Variants in KRT8 observed in about 807,000 individuals in gnomAD.
KRT8 encodes keratin 8.
KRT8 carries 24 observed loss-of-function variants against 43.0 expected under a neutral mutation model. The ratio of observed to expected loss-of-function variants is 0.56; its 90% CI spans 0.40 to 0.78. The LOEUF is 0.78. Ranked by LOEUF, KRT8 falls within the 30% of genes least tolerant of loss-of-function variation. The pLI is 0.00. For synonymous variants in KRT8, 214 were observed against 261.2 expected, an observed-to-expected ratio of 0.82 and a Z score of 1.74; for missense variants, 492 against 638.4, an observed-to-expected ratio of 0.77 and a Z score of 2.47.
At chr12:52,937,236 C>G (rs1425655668) in intron 2 of KRT8, among the ~76,000 whole-genome samples, 1 of 151,058 alleles carries the variant, frequency 6.6e-6, no homozygotes, top group African/African-American at 2.4e-5. Context: ...CCTGGTGTGG[C>G]AGCATGCACC....
rs565768371 is a variant in KRT8, at chr12:52,939,601, G to A, written c.-47+9855C>T. Among the ~76,000 whole-genome samples the A allele has an allele frequency of 7.9e-5, 12 of 151,834 alleles. No individual in the cohort carries two copies. In the South Asian group the frequency reaches 1.0e-3, roughly 13 times the overall value. ...GCCAGGCATGGTGGCGTATACCCGC[G>A]ATTCCAGCTACTTAGGAGGCTGAAG... On this transcript the variant is annotated intron_variant, in intron 2 of 6. Transcript: ENST00000546826.
upstream of KRT8, chr12:52,906,879 A>T (rs1458881364): frequency 2.6e-5 from 11 of 423,912 alleles, no homozygotes; most frequent in Non-Finnish European, 5.2e-5. Flanking sequence ...AGACAGGCAC[A>T]TAGGACCCCT....
intron 2 of KRT8, among the ~76,000 whole-genome samples, chr12:52,924,814 T>C (rs188291112): frequency 6.6e-6 from 1 of 152,302 alleles, no homozygotes; most frequent in Non-Finnish European, 1.5e-5. Flanking sequence ...TGGAGTGAAG[T>C]GGACCCTCAG....
At chr12:52,924,683 T>C (rs1183609196) in intron 2 of KRT8, among the ~76,000 whole-genome samples, 1 of 152,170 alleles carries the variant, frequency 6.6e-6, no homozygotes, top group Admixed American at 6.6e-5. Context: ...GTAAAGATAA[T>C]TGCTTGTATA....
At chr12:52,922,873 G>A (rs1201173510) in intron 2 of KRT8, among the ~76,000 whole-genome samples, 2 of 152,172 alleles carry the variant, frequency 1.3e-5, no homozygotes, top group Non-Finnish European at 2.9e-5. Flanking sequence ...CAGACAGTCT[G>A]GGAGATGCAG....
At position 52,935,400 on chromosome 12, in the gene KRT8, A is replaced by AGAAAAAG. The variant is rs1555189718; in HGVS notation, c.-47+14055_-47+14056insCTTTTTC. Among the ~76,000 whole-genome samples the AGAAAAAG allele has an allele frequency of 5.1e-4, 69 of 134,642 alleles. 2 individuals carry two copies. Among genetic ancestry groups the AGAAAAAG allele is most frequent in the East Asian group, 7.5e-4 (3 of 4,018 alleles). 88.3% of individuals were successfully genotyped at this position (134,642 alleles called of 152,430 possible). ...TCTCAAAAAAAAAAAAAAAAAAAAA[A>AGAAAAAG]AAAAAAAAAAGGCCGGGCACAGTGG... On this transcript the variant is annotated intron_variant, in intron 2 of 6. Coordinates refer to the KRT8 transcript ENST00000546826.
At chr12:52,901,986 G>A (rs1175560236) in exon 2 of KRT8, 3 of 1,604,078 alleles carry the variant, frequency 1.9e-6, no homozygotes, top group Admixed American at 1.7e-5. Flanking sequence ...CGAACATGTT[G>A]TCCATGTTGC....
upstream of KRT8, chr12:52,906,926 T>A (rs1352777549): frequency 2.7e-6 from 1 of 363,952 alleles, no homozygotes. Context: ...GCCCCCTCCT[T>A]GGAGGACAGA....
Position 52,923,556 on chromosome 12 carries a change from A to T in KRT8, c.-46-18529T>A, listed in dbSNP as rs555367028. Reference sequence around the variant, plus strand: ...TGCCTCAGCCTCCCGAGTAGCTGGGACTACAGGCGCCAGCCACCACGCCTG... The same window carrying T: ...TGCCTCAGCCTCCCGAGTAGCTGGGTCTACAGGCGCCAGCCACCACGCCTG... On this transcript the variant is annotated intron_variant, in intron 2 of 6. Transcript: ENST00000546826. Among the ~76,000 whole-genome samples the T allele has an allele frequency of 2.6e-5, 4 of 152,100 alleles. No individual in the cohort carries two copies. The East Asian group carries it at 7.8e-4, about 30-fold the overall frequency.
chr12:52,915,535 C>G (rs567703637), intron 2 of KRT8, among the ~76,000 whole-genome samples: 1 of 151,886 alleles, frequency 6.6e-6, no homozygotes, highest in South Asian at 2.1e-4. Context: ...TGGTGAAACC[C>G]CATCTGTACT....
intron 2 of KRT8, chr12:52,948,934 G>C (rs79477652): frequency 0.029 from 12,747 of 435,282 alleles, 244 homozygotes; most frequent in East Asian, 0.049. Context: ...CCCCGTTTCT[G>C]GGGGGTGAGC....
intron 2 of KRT8, among the ~76,000 whole-genome samples, chr12:52,938,691 C>T (rs1261735237): frequency 1.3e-5 from 2 of 151,866 alleles, no homozygotes; most frequent in Admixed American, 6.6e-5. Flanking sequence ...GATCTCAGCT[C>T]ACTGCAAGCT....
At chr12:52,912,151 G>C (rs1431819500) in intron 2 of KRT8, among the ~76,000 whole-genome samples, 1 of 152,264 alleles carries the variant, frequency 6.6e-6, no homozygotes, top group African/African-American at 2.4e-5. Context: ...CTGAGGGAAA[G>C]GGACTGAGGG....
At chr12:52,930,839 C>A (rs1424872151) in intron 2 of KRT8, among the ~76,000 whole-genome samples, 1 of 152,152 alleles carries the variant, frequency 6.6e-6, no homozygotes, top group Non-Finnish European at 1.5e-5. Context: ...GCATTACAGG[C>A]ATGAACCTCT....
rs1330483132 is a variant in KRT8 at position 52,918,037 on chromosome 12, A to AGAAGAC, written c.-46-13011_-46-13010insGTCTTC. Among the ~76,000 whole-genome samples, 14 of 5,316 alleles carry AGAAGAC rather than the reference A, an allele frequency of 2.6e-3. 1 individual carries two copies. The highest frequency in any genetic ancestry group is 5.0e-3 in the Non-Finnish European group (6 of 1,212). 3.5% of individuals were successfully genotyped at this position (5,316 alleles called of 152,430 possible). A position where few individuals can be genotyped will look rare whatever the true frequency, so the allele number is the denominator to read the frequency against. ...GAAGGAGAAGAAGAAGAGGAGGAGG[A>AGAAGAC]GAAGAAGAAGAAGAGGAAGAAGAAG... On this transcript the variant is annotated intron_variant, in intron 2 of 6. Coordinates refer to the KRT8 transcript ENST00000546826.
At chr12:52,908,390 CAA>C (rs1271814741), upstream of KRT8, among the ~76,000 whole-genome samples, 3 of 152,134 alleles carry the variant, frequency 2.0e-5, no homozygotes, top group Non-Finnish European at 2.9e-5. Flanking sequence ...TCATAATAGC[CAA>C]AGAGTGGGAA....
chr12:52,905,816 A>G (rs10431540), upstream of KRT8, among the ~76,000 whole-genome samples: 22,687 of 152,094 alleles, frequency 0.15, 2,466 homozygotes, highest in East Asian at 0.49. Context: ...ATCCAAGGCC[A>G]GGCACGGTGG....
chr12:52,899,264 G>A (rs1251041900), intron 5 of KRT8, among the ~76,000 whole-genome samples: 6 of 152,078 alleles, frequency 3.9e-5, no homozygotes, highest in South Asian at 4.1e-4. Context: ...GCAGTGAGCC[G>A]AGATCACGCC....
intron 2 of KRT8, among the ~76,000 whole-genome samples, chr12:52,921,213 A>G (rs1196711110): frequency 6.6e-6 from 1 of 152,146 alleles, no homozygotes; most frequent in Non-Finnish European, 1.5e-5. Context: ...GAGGCCATCT[A>G]TTCCCCAAGG....
Sources: allele counts gnomAD v4.1 joint callset (sites outside exome capture counted in the v4.1 genomes callset), GRCh38; gene constraint gnomAD v4.1.1; transcripts MANE v1.5; gene names NCBI Gene and HGNC (gene_info 2026-07-23, HGNC 2026-07-21).